MND1: variants seen among roughly 807,000 people sequenced by gnomAD.
MND1 encodes meiotic nuclear division protein 1 homolog.
MND1 carries 28 observed loss-of-function variants against 35.1 expected under a neutral mutation model. That is an observed-to-expected ratio of 0.80 (90% CI 0.59 to 1.09). The LOEUF is 1.09. Among genes scored for constraint, MND1 ranks in the 50% least tolerant of loss-of-function variants. MND1 has a pLI of 0.00. For synonymous variants in MND1, 69 were observed against 70.5 expected, an observed-to-expected ratio of 0.98 and a Z score of 0.11; for missense variants, 213 against 239.6, an observed-to-expected ratio of 0.89 and a Z score of 0.73.
At chr4:153,346,917 G>A (rs908934491) in intron 1 of MND1, among the ~76,000 whole-genome samples, 4 of 152,158 alleles carry the variant, frequency 2.6e-5, no homozygotes, top group Admixed American at 6.5e-5. Flanking sequence ...CCATTGCCCC[G>A]CAGCGCCCTT....
chr4:153,357,575 T>G (rs1773378107), intron 3 of MND1, among the ~76,000 whole-genome samples: 1 of 152,174 alleles, frequency 6.6e-6, no homozygotes, highest in African/African-American at 2.4e-5. Context: ...GAGGAAGTGG[T>G]GTTGCTGTCT....
intron 2 of MND1, among the ~76,000 whole-genome samples, chr4:153,353,432 TATATATATATATATA>T: frequency 7.2e-6 from 1 of 138,614 alleles, no homozygotes; most frequent in African/African-American, 2.6e-5. Flanking sequence ...TATATATATA[TATATATATATATATA>T]TTCATCTATC....
intron 2 of MND1, among the ~76,000 whole-genome samples, chr4:153,352,746 TAAAAAAAA>T (rs56770218): frequency 1.7e-5 from 2 of 115,002 alleles, no homozygotes; most frequent in African/African-American, 3.2e-5. Context: ...GACCCTATCT[TAAAAAAAA>T]AAAAAAAAAA....
At chr4:153,396,501 C>T (rs935455772) in intron 5 of MND1, among the ~76,000 whole-genome samples, 1 of 152,190 alleles carries the variant, frequency 6.6e-6, no homozygotes. Context: ...CGGATTTATC[C>T]TATGATTCTG....
intron 4 of MND1, among the ~76,000 whole-genome samples, chr4:153,384,910 G>A (rs761934786): frequency 6.6e-6 from 1 of 152,146 alleles, no homozygotes; most frequent in African/African-American, 2.4e-5. Flanking sequence ...TGGTTAAGTG[G>A]AACATGAATA....
Position 153,344,721 on chromosome 4 carries a change from GC to G in MND1, c.-13del. 6.3e-7 allele frequency: 1 copy of G among 1,590,680 alleles called. No homozygotes were observed. The highest frequency in any genetic ancestry group is 8.5e-7 in the Non-Finnish European group (1 of 1,169,934). ...CCAAGCGCGGGCCCGGCCAGCGGAAGCCCCTGCGCCCGCGCCATGGTAAGGA... is the reference window on the plus strand; with the variant it reads ...CCAAGCGCGGGCCCGGCCAGCGGAAGCCCTGCGCCCGCGCCATGGTAAGGA... On this transcript the variant is annotated 5_prime_UTR_variant, in exon 1 of 8. Transcript: ENST00000240488.
chr4:153,374,763 G>A (rs573780860), intron 4 of MND1, among the ~76,000 whole-genome samples: 1 of 151,892 alleles, frequency 6.6e-6, no homozygotes, highest in African/African-American at 2.4e-5. Context: ...CTTGCCTTTA[G>A]GTTGTATGTG....
intron 6 of MND1, among the ~76,000 whole-genome samples, chr4:153,399,326 C>T (rs1267634066): frequency 6.6e-6 from 1 of 152,178 alleles, no homozygotes; most frequent in Non-Finnish European, 1.5e-5. Context: ...AGGTGACCCT[C>T]ACTGACATCA....
intron 4 of MND1, among the ~76,000 whole-genome samples, chr4:153,371,654 A>T (rs1481340761): frequency 1.3e-5 from 2 of 152,078 alleles, no homozygotes; most frequent in Admixed American, 1.3e-4. Context: ...GGCTTAAGGG[A>T]ACGTTGTGGT....
At chr4:153,412,845 G>A (rs1475921702) in intron 7 of MND1, among the ~76,000 whole-genome samples, 25 of 124,640 alleles carry the variant, frequency 2.0e-4, no homozygotes, top group African/African-American at 6.8e-4. Context: ...TTGCTTTGTC[G>A]CCAGGCTGGA....
chr4:153,410,618 TATC>T (rs577137082), intron 7 of MND1, among the ~76,000 whole-genome samples: 105 of 152,198 alleles, frequency 6.9e-4, no homozygotes, highest in Non-Finnish European at 1.4e-3. Flanking sequence ...CAGTCTTACT[TATC>T]ATATAGCTTT....
chr4:153,364,738 G>A (rs1773583576), intron 4 of MND1, among the ~76,000 whole-genome samples: 1 of 152,104 alleles, frequency 6.6e-6, no homozygotes, highest in Admixed American at 6.5e-5. Flanking sequence ...TAGAGATAGA[G>A]TCTCACCCTG....
intron 1 of MND1, among the ~76,000 whole-genome samples, chr4:153,348,885 T>C (rs1226119975): frequency 6.6e-6 from 1 of 152,228 alleles, no homozygotes; most frequent in Non-Finnish European, 1.5e-5. Flanking sequence ...CAATTCCAAA[T>C]CCTTGTCTTC....
intron 4 of MND1, among the ~76,000 whole-genome samples, chr4:153,368,629 G>A (rs1198591745): frequency 6.6e-6 from 1 of 152,126 alleles, no homozygotes; most frequent in African/African-American, 2.4e-5. Context: ...AAGGATGAAA[G>A]TTCTGTTCAT....
chr4:153,374,478 A>T (rs1315997182), intron 4 of MND1, among the ~76,000 whole-genome samples: 1 of 152,214 alleles, frequency 6.6e-6, no homozygotes, highest in African/African-American at 2.4e-5. Flanking sequence ...TGGGATTCAC[A>T]TAAAGATAGA....
At chr4:153,396,803 A>G (rs1363830086) in intron 5 of MND1, among the ~76,000 whole-genome samples, 1 of 152,172 alleles carries the variant, frequency 6.6e-6, no homozygotes, top group Non-Finnish European at 1.5e-5. Context: ...TGTCTAGAAC[A>G]CTTTTAAAGA....
intron 3 of MND1, among the ~76,000 whole-genome samples, chr4:153,356,032 G>C (rs1281308321): frequency 7.2e-5 from 11 of 152,224 alleles, no homozygotes; most frequent in Admixed American, 4.6e-4. Context: ...AAGCTGGCTG[G>C]TAGCGCACAC....
At chr4:153,381,666 TAA>T (rs1491528885) in intron 4 of MND1, 1 of 53,490 alleles carries the variant, frequency 1.9e-5, no homozygotes, top group African/African-American at 6.7e-5. Flanking sequence ...ATATATAATA[TAA>T]TATATATATA....
chr4:153,383,650 A>G (rs1279853795), intron 4 of MND1, among the ~76,000 whole-genome samples: 1 of 152,186 alleles, frequency 6.6e-6, no homozygotes, highest in African/African-American at 2.4e-5. Context: ...TGCCCTCCCT[A>G]GCAGACTTCT....
Sources: gnomAD v4.1 joint callset for allele counts (sites outside exome capture counted in the v4.1 genomes callset) on GRCh38, gnomAD v4.1.1 for gene constraint, MANE v1.5 for transcripts, NCBI Gene and HGNC (gene_info 2026-07-23, HGNC 2026-07-21) for gene names.